The following FABP5 variants were observed in gnomAD, a reference collection of about 807,000 sequenced individuals.
FABP5 encodes fatty acid binding protein 5.
In FABP5, 7 loss-of-function variants were observed where a neutral mutation model predicts 16.9. The ratio of observed to expected loss-of-function variants is 0.41; its 90% confidence interval spans 0.24 to 0.78. FABP5 has a LOEUF of 0.78. Among genes scored for constraint, FABP5 ranks in the 30% least tolerant of loss-of-function variants. The pLI is 0.30. For missense variants in FABP5, 119 were observed against 159.5 expected, an observed-to-expected ratio of 0.75 and a Z score of 1.37; for synonymous variants, 37 against 52.8, an observed-to-expected ratio of 0.70 and a Z score of 1.30.
Position 81,281,396 on chromosome 8 carries a change from G to T in FABP5, c.79+722G>T. The T allele has an allele frequency of 2.0e-6, 2 of 986,004 alleles. No homozygotes were observed. Among genetic ancestry groups the T allele is most frequent in the Non-Finnish European group, 2.4e-6 (2 of 830,502 alleles). 61.1% of individuals were successfully genotyped at this position (986,004 alleles called of 1,614,324 possible). On this transcript the variant is annotated intron_variant, in intron 1 of 3. Coordinates refer to ENST00000297258, the MANE Select transcript of FABP5 (RefSeq NM_001444.3). This position sits in a 1 kb window ranked among gnomAD's most constrained non-coding sequence, Gnocchi z 4.5. Reference sequence around the variant, plus strand: ...CACCAGGGCCCCCGAGAAGCGTGGCGCTGGCGGTGCCGACCTGCTGCTGGC... The same window carrying T: ...CACCAGGGCCCCCGAGAAGCGTGGCTCTGGCGGTGCCGACCTGCTGCTGGC...
chr8:81,281,499 G>T lies in FABP5; in HGVS notation c.79+825G>T. ...TGAGGCCTGGGGGTGGCCGTGTGTTGCCATCCTGGCCTCTGCCACTTGAGG... is the reference window on the plus strand; with the variant it reads ...TGAGGCCTGGGGGTGGCCGTGTGTTTCCATCCTGGCCTCTGCCACTTGAGG... On this transcript the variant is annotated intron_variant, in intron 1 of 3. Transcript: ENST00000297258. The surrounding 1 kb of genome is among the most constrained non-coding windows in gnomAD (Gnocchi z 4.5). The T allele has an allele frequency of 1.0e-6, 1 of 985,512 alleles. No homozygotes were observed. The highest frequency in any genetic ancestry group is 1.7e-5 in the African/African-American group (1 of 57,344). The allele number at this position is 985,512 out of a possible 1,614,324, so 61.0% of individuals were successfully genotyped here.
At position 81,284,740 on chromosome 8, in the gene FABP5, A is replaced by G; in HGVS notation, c.*173A>G. 1 of 544,308 alleles carries G rather than the reference A, an allele frequency of 1.8e-6. No individual in the cohort carries two copies. The highest frequency in any genetic ancestry group is 3.3e-6 in the Non-Finnish European group (1 of 304,568). 33.7% of individuals were successfully genotyped at this position (544,308 alleles called of 1,614,324 possible). A position where few individuals can be genotyped will look rare whatever the true frequency, so the allele number is the denominator to read the frequency against. On this transcript the variant is annotated 3_prime_UTR_variant, in exon 4 of 4. Coordinates refer to ENST00000297258, the MANE Select transcript of FABP5 (RefSeq NM_001444.3). The stretch of plus-strand genomic sequence containing the variant: ...AAAGTGTGTTGGATTAATTAGGATC[A>G]TCCCTTTGGTTAATAAATAAATGTG...
Position 81,283,403 on chromosome 8 carries a change from C to A in FABP5, c.117C>A (p.Ala39=). Residue 39 remains alanine, a synonymous_variant, in exon 2 of 4, where the codon GCC becomes GCA. Transcript: ENST00000297258. The part of the protein sequence containing the change: ...GIALRKMGAM[A]KPDCIITCDG... ...CTTTGCGAAAAATGGGCGCAATGGC[C>A]AAGCCAGATTGTATCATCACTTGTG... The A allele has an allele frequency of 6.2e-7, 1 of 1,605,810 alleles. No homozygotes were observed. The highest frequency in any genetic ancestry group is 1.3e-5 in the African/African-American group (1 of 74,570).
intron 3 of FABP5, 89 bp downstream of exon 3, chr8:81,284,063 C>T (rs1011031035): frequency 4.9e-6 from 5 of 1,011,526 alleles, no homozygotes; most frequent in African/African-American, 1.6e-5. Flanking sequence ...ATTAACAGAA[C>T]TCAGTTTGGA....
intron 2 of FABP5, among the ~76,000 whole-genome samples, 165 bp from the exon 3 acceptor site, chr8:81,283,708 G>A (rs1010936049): frequency 4.6e-5 from 7 of 152,320 alleles, no homozygotes; most frequent in Admixed American, 2.6e-4. Flanking sequence ...TCTTTTATTA[G>A]CTACTAGGTT....
chr8:81,281,699 G>C lies in FABP5; in HGVS notation c.79+1025G>C. On this transcript the variant is annotated intron_variant, in intron 1 of 3. Transcript: ENST00000297258. This position sits in a 1 kb window ranked among gnomAD's most constrained non-coding sequence, Gnocchi z 4.5. ...TAAGATTCATTTCTCACTCAAAACAGTGCTTCATTATAAATTACTGTCCTT... is the reference window on the plus strand; with the variant it reads ...TAAGATTCATTTCTCACTCAAAACACTGCTTCATTATAAATTACTGTCCTT... The C allele has an allele frequency of 1.0e-6, 1 of 980,190 alleles. No individual in the cohort carries two copies. 60.7% of individuals were successfully genotyped at this position (980,190 alleles called of 1,614,324 possible). A position where few individuals can be genotyped will look rare whatever the true frequency, so the allele number is the denominator to read the frequency against.
chr8:81,281,406 C>T lies in FABP5; in HGVS notation c.79+732C>T. On this transcript the variant is annotated intron_variant, in intron 1 of 3. Coordinates refer to ENST00000297258, the MANE Select transcript of FABP5 (RefSeq NM_001444.3). The surrounding 1 kb of genome is among the most constrained non-coding windows in gnomAD (Gnocchi z 4.5). ...CCCGAGAAGCGTGGCGCTGGCGGTG[C>T]CGACCTGCTGCTGGCACTGCCGGGC... 1.0e-6 allele frequency: 1 copy of T among 985,628 alleles called. No individual in the cohort carries two copies. Among genetic ancestry groups the T allele is most frequent in the Non-Finnish European group, 1.2e-6 (1 of 830,478 alleles). The allele number at this position is 985,628 out of a possible 1,614,324, so 61.1% of individuals were successfully genotyped here.
At chr8:81,283,089 T>C (rs1191234887) in intron 1 of FABP5, 1 of 265,070 alleles carries the variant, frequency 3.8e-6, no homozygotes, top group Non-Finnish European at 7.1e-6. Context: ...CACTTTCTAG[T>C]TGAATGATCT....
At chr8:81,283,163 T>C in intron 1 of FABP5, 2 of 442,064 alleles carry the variant, frequency 4.5e-6, no homozygotes, top group Non-Finnish European at 8.1e-6. Flanking sequence ...CATCTGCCTT[T>C]TACAGGGCTG....
chr8:81,283,275 G>T (rs954149885), intron 1 of FABP5, 91 bp from the exon 2 acceptor site: 2 of 1,107,178 alleles, frequency 1.8e-6, no homozygotes, highest in South Asian at 1.7e-5. Flanking sequence ...AAAATATGCC[G>T]CACAAAGTGA....
rs1807830289 is a variant in FABP5, at chr8:81,281,481, T to C, written c.79+807T>C. ...CCTGTGGGAGGAGCGCAATGAGGCC[T>C]GGGGGTGGCCGTGTGTTGCCATCCT... On this transcript the variant is annotated intron_variant, in intron 1 of 3. Transcript: ENST00000297258. The surrounding 1 kb of genome is among the most constrained non-coding windows in gnomAD (Gnocchi z 4.5). 1 of 985,412 alleles carries C rather than the reference T, an allele frequency of 1.0e-6. No homozygotes were observed. Among genetic ancestry groups the C allele is most frequent in the Non-Finnish European group, 1.2e-6 (1 of 830,038 alleles). The allele number at this position is 985,412 out of a possible 1,614,324, so 61.0% of individuals were successfully genotyped here. A position where few individuals can be genotyped will look rare whatever the true frequency, so the allele number is the denominator to read the frequency against.
At chr8:81,283,233 G>A (rs1392814645) in intron 1 of FABP5, 133 bp from the exon 2 acceptor site, 6 of 753,628 alleles carry the variant, frequency 8.0e-6, no homozygotes, top group Non-Finnish European at 1.3e-5. Context: ...TGGGATATAT[G>A]TTTACAATAG....
rs765942112 is a variant in FABP5 at position 81,281,499 on chromosome 8, G to A, written c.79+825G>A. The A allele has an allele frequency of 1.0e-6, 1 of 985,512 alleles. No homozygotes were observed. The highest frequency in any genetic ancestry group is 4.7e-5 in the South Asian group (1 of 21,288). The allele number at this position is 985,512 out of a possible 1,614,324, so 61.0% of individuals were successfully genotyped here. A position where few individuals can be genotyped will look rare whatever the true frequency, so the allele number is the denominator to read the frequency against. On this transcript the variant is annotated intron_variant, in intron 1 of 3. Transcript: ENST00000297258. This position sits in a 1 kb window ranked among gnomAD's most constrained non-coding sequence, Gnocchi z 4.5. ...TGAGGCCTGGGGGTGGCCGTGTGTT[G>A]CCATCCTGGCCTCTGCCACTTGAGG...
At chr8:81,284,102 T>C in intron 3 of FABP5, 128 bp downstream of exon 3, 1 of 671,098 alleles carries the variant, frequency 1.5e-6, no homozygotes, top group Non-Finnish European at 2.6e-6. Context: ...ACAAGTTAAA[T>C]ACTAGAACAC....
intron 1 of FABP5, chr8:81,280,951 T>A: frequency 7.2e-6 from 3 of 415,900 alleles, no homozygotes; most frequent in Non-Finnish European, 1.3e-5. Flanking sequence ...TCTGCTTCTT[T>A]CCCTTCGCCC....
rs753714375 is a variant in FABP5 at position 81,283,930 on chromosome 8, G to A, written c.310G>A (p.Glu104Lys). 5 of 1,612,502 alleles carry A rather than the reference G, an allele frequency of 3.1e-6. No individual in the cohort carries two copies. The highest frequency in any genetic ancestry group is 4.5e-5 in the East Asian group (2 of 44,816). Residue 104 changes from glutamate (E) to lysine (K), a missense_variant, in exon 3 of 4, where the codon GAA (glutamate) becomes AAA (lysine). Physicochemically the swap from Glu to Lys is moderately conservative, Grantham distance 56. Transcript: ENST00000297258. ...LVQHQEWDGKESTITRKLKDG... is the reference protein window; with the variant it reads ...LVQHQEWDGKKSTITRKLKDG... ...TCAGCATCAGGAGTGGGATGGGAAG[G>A]AAAGCACAATAACAAGAAAATTGAA...
chr8:81,281,690 C>T lies in FABP5; in HGVS notation c.79+1016C>T. 1.0e-6 allele frequency: 1 copy of T among 983,606 alleles called. No individual in the cohort carries two copies. The highest frequency in any genetic ancestry group is 1.7e-5 in the African/African-American group (1 of 57,334). 60.9% of individuals were successfully genotyped at this position (983,606 alleles called of 1,614,324 possible). ...TCTCAGTAGTAAGATTCATTTCTCA[C>T]TCAAAACAGTGCTTCATTATAAATT... On this transcript the variant is annotated intron_variant, in intron 1 of 3. Transcript: ENST00000297258. This position sits in a 1 kb window ranked among gnomAD's most constrained non-coding sequence, Gnocchi z 4.5.
Position 81,281,456 on chromosome 8 carries a change from C to G in FABP5, c.79+782C>G. ...CCGGGGCGCCGCAGTGGGCGGGTGG[C>G]CTGTGGGAGGAGCGCAATGAGGCCT... On this transcript the variant is annotated intron_variant, in intron 1 of 3. Coordinates refer to ENST00000297258, the MANE Select transcript of FABP5 (RefSeq NM_001444.3). The surrounding 1 kb of genome is among the most constrained non-coding windows in gnomAD (Gnocchi z 4.5). 1 of 985,618 alleles carries G rather than the reference C, an allele frequency of 1.0e-6. No homozygotes were observed. The highest frequency in any genetic ancestry group is 1.2e-6 in the Non-Finnish European group (1 of 830,248). 61.1% of individuals were successfully genotyped at this position (985,618 alleles called of 1,614,324 possible). A position where few individuals can be genotyped will look rare whatever the true frequency, so the allele number is the denominator to read the frequency against.
chr8:81,284,180 T>TG, intron 3 of FABP5: 1 of 554,374 alleles, frequency 1.8e-6, no homozygotes, highest in Non-Finnish European at 3.2e-6. Flanking sequence ...TGGCTGGAGT[T>TG]GGGGGGAGTT....
Sources: allele counts gnomAD v4.1 joint callset (sites outside exome capture counted in the v4.1 genomes callset), GRCh38; gene constraint gnomAD v4.1.1; non-coding constraint Gnocchi (gnomAD v3.1); transcripts MANE v1.5; gene names NCBI Gene and HGNC (gene_info 2026-07-23, HGNC 2026-07-21).